Variants in WDR20 observed in about 807,000 individuals in gnomAD.
WDR20 encodes the protein WD repeat domain 20, also known as WD repeat-containing protein 20.
Under a neutral mutation model 38.7 loss-of-function variants are expected in WDR20, and 3 were observed. The ratio of observed to expected loss-of-function variants is 0.08; its 90% CI spans 0.04 to 0.20. WDR20 has a LOEUF of 0.20. Ranked by LOEUF, WDR20 falls within the 10% of genes least tolerant of loss-of-function variation. The pLI is 1.00. For synonymous variants in WDR20, 298 were observed against 285.6 expected, an observed-to-expected ratio of 1.04 and a Z score of -0.44; for missense variants, 559 against 727.7, an observed-to-expected ratio of 0.77 and a Z score of 2.67.
chr14:102,218,396 C>G (rs192717833), downstream of WDR20, among the ~76,000 whole-genome samples: 20 of 152,316 alleles, frequency 1.3e-4, no homozygotes, highest in African/African-American at 4.8e-4. Flanking sequence ...GCTAGGAGAC[C>G]GTCCAGGCCT....
intron 1 of WDR20, among the ~76,000 whole-genome samples, chr14:102,161,805 C>T (rs766788338): frequency 2.6e-5 from 4 of 152,044 alleles, no homozygotes; most frequent in Non-Finnish European, 5.9e-5. Context: ...ACCACATAGA[C>T]CAAAATGAGA....
intron 2 of WDR20, among the ~76,000 whole-genome samples, chr14:102,205,145 G>C (rs960461094): frequency 5.3e-5 from 8 of 152,168 alleles, no homozygotes; most frequent in African/African-American, 1.9e-4. Flanking sequence ...TGAAGCACCA[G>C]CTATACTCAG....
chr14:102,201,323 C>T (rs1028618025), intron 2 of WDR20, among the ~76,000 whole-genome samples: 1 of 152,050 alleles, frequency 6.6e-6, no homozygotes, highest in African/African-American at 2.4e-5. Context: ...CAGATCCACT[C>T]ACCCCCAAAC....
At position 102,209,623 on chromosome 14, in the gene WDR20, G is replaced by A; in HGVS notation, c.1453G>A (p.Gly485Arg). The A allele has an allele frequency of 2.5e-6, 4 of 1,614,084 alleles. No individual in the cohort carries two copies. Among genetic ancestry groups the A allele is most frequent in the Non-Finnish European group, 3.4e-6 (4 of 1,180,026 alleles). Reference sequence around the variant, plus strand: ...AGATCACAAGCGAAATCATAGCATGGGACACATTTCTAGCAAGAGCAGTGA... The same window carrying A: ...AGATCACAAGCGAAATCATAGCATGAGACACATTTCTAGCAAGAGCAGTGA... ...EKDHKRNHSM[G>R]HISSKSSDKL... The change falls in exon 3 of 3, where the codon GGA becomes AGA. Residue 485 changes from glycine (G) to arginine (R), a missense_variant. Transcript: ENST00000342702. This position sits in a 1 kb window ranked among gnomAD's most constrained non-coding sequence, Gnocchi z 6.0.
intron 1 of WDR20, among the ~76,000 whole-genome samples, chr14:102,189,558 C>T (rs559603610): frequency 2.0e-5 from 3 of 152,208 alleles, no homozygotes; most frequent in South Asian, 4.1e-4. Flanking sequence ...ACCAAATACC[C>T]GATTCTTAAA....
At chr14:102,191,014 AAG>A (rs949278747) in intron 1 of WDR20, among the ~76,000 whole-genome samples, 3 of 150,732 alleles carry the variant, frequency 2.0e-5, no homozygotes, top group South Asian at 2.1e-4. Context: ...AAAAAAAAAA[AAG>A]AAAAAAATTA....
At chr14:102,149,017 G>T (rs530600313) in intron 1 of WDR20, among the ~76,000 whole-genome samples, 1 of 152,190 alleles carries the variant, frequency 6.6e-6, no homozygotes, top group African/African-American at 2.4e-5. Flanking sequence ...AAAAAATTTA[G>T]CTGGGTGTGG....
In WDR20 at chr14:102,207,711, G is replaced by A. The variant is rs568268806; in HGVS notation, c.433-892G>A. ...GGACCGCCCCTGTGGAAGGTGTTGC[G>A]CTGGCATCCCCATCACAGGATTGAT... is the stretch of plus-strand genomic sequence containing the variant. On this transcript the variant is annotated intron_variant, in intron 2 of 2. Coordinates refer to ENST00000342702, the MANE Select transcript of WDR20 (RefSeq NM_144574.4). The surrounding 1 kb of genome is among the most constrained non-coding windows in gnomAD (Gnocchi z 5.0). 5.3e-5 allele frequency among the ~76,000 whole-genome samples: 8 copies of A among 152,338 alleles called. No individual in the cohort carries two copies. The highest frequency in any genetic ancestry group is 2.1e-4 in the South Asian group (1 of 4,820).
chr14:102,193,301 G>A (rs988916932), intron 1 of WDR20, among the ~76,000 whole-genome samples: 11 of 152,120 alleles, frequency 7.2e-5, no homozygotes, highest in African/African-American at 1.9e-4. Flanking sequence ...CGCAGCACTC[G>A]GCTGAGCTGC....
rs546547338 is a variant in WDR20, at chr14:102,159,561, C to T, written c.249+19389C>T. On this transcript the variant is annotated intron_variant, in intron 1 of 2. Coordinates refer to ENST00000342702, the MANE Select transcript of WDR20 (RefSeq NM_144574.4). The stretch of plus-strand genomic sequence containing the variant: ...TCTTAAAACTTAATCCAGCTGGGTG[C>T]GGTGGCGCACGCCGGTAATCCCAAC... Among the ~76,000 whole-genome samples, 6 of 152,226 alleles carry T rather than the reference C, an allele frequency of 3.9e-5. No homozygotes were observed. In the South Asian group the frequency reaches 1.2e-3, roughly 32 times the overall value.
At chr14:102,139,587 C>G, upstream of WDR20, 3 of 699,588 alleles carry the variant, frequency 4.3e-6, no homozygotes, top group Non-Finnish European at 7.0e-6. Flanking sequence ...CCCTGACCGG[C>G]TTTCCGCTGG....
intron 1 of WDR20, among the ~76,000 whole-genome samples, chr14:102,168,844 C>T (rs558029136): frequency 2.4e-4 from 37 of 152,186 alleles, no homozygotes; most frequent in South Asian, 2.3e-3. Flanking sequence ...AAGGAAGCAG[C>T]GTCTCTCACT....
chr14:102,161,142 A>ATATT lies in WDR20; in HGVS notation c.249+20971_249+20972insATTT, dbSNP rs1342924049. On this transcript the variant is annotated intron_variant, in intron 1 of 2. Transcript: ENST00000342702. ...ACTGCATATATATATATATATATAT[A>ATATT]TTTTTTTTTTTTTTTTTTTTTTTTT... Among the ~76,000 whole-genome samples, 30 of 16,060 alleles carry ATATT rather than the reference A, an allele frequency of 1.9e-3. 6 individuals are homozygous for ATATT. The highest frequency in any genetic ancestry group is 7.3e-3 in the African/African-American group (23 of 3,134). The allele number at this position is 16,060 out of a possible 152,430, so 10.5% of individuals were successfully genotyped here. A position where few individuals can be genotyped will look rare whatever the true frequency, so the allele number is the denominator to read the frequency against.
intron 1 of WDR20, among the ~76,000 whole-genome samples, chr14:102,148,734 C>A (rs2054630629): frequency 6.7e-6 from 1 of 149,150 alleles, no homozygotes; most frequent in Non-Finnish European, 1.5e-5. Flanking sequence ...ACTGTGTCAC[C>A]TAGGCTGGAG....
intron 1 of WDR20, among the ~76,000 whole-genome samples, chr14:102,186,362 A>C (rs2064742538): frequency 6.6e-6 from 1 of 152,174 alleles, no homozygotes; most frequent in Non-Finnish European, 1.5e-5. Context: ...CTACACATGA[A>C]GTGTGGGCAG....
chr14:102,187,832 A>C (rs752576182), intron 1 of WDR20, among the ~76,000 whole-genome samples: 16 of 152,196 alleles, frequency 1.1e-4, no homozygotes, highest in Non-Finnish European at 2.1e-4. Context: ...ACAGAGCGCC[A>C]AGTATAAAGC....
Position 102,208,743 on chromosome 14 carries a change from G to GCTT in WDR20, c.576_578dup (p.Leu193dup). 2 of 1,614,230 alleles carry GCTT rather than the reference G, an allele frequency of 1.2e-6. No individual in the cohort carries two copies. The highest frequency in any genetic ancestry group is 1.7e-6 in the Non-Finnish European group (2 of 1,180,042). Reference sequence around the variant, plus strand: ...GTGGCACCACAGCCCCCCACTACCAGCTTCTGAAGCAGGGAGAGAGCTTTG... The same window carrying GCTT: ...GTGGCACCACAGCCCCCCACTACCAGCTTCTTCTGAAGCAGGGAGAGAGCTTTG... On this transcript the variant is annotated inframe_insertion, in exon 3 of 3. Coordinates refer to ENST00000342702, the MANE Select transcript of WDR20 (RefSeq NM_144574.4). The surrounding 1 kb of genome is among the most constrained non-coding windows in gnomAD (Gnocchi z 5.6).
chr14:102,185,487 C>T (rs181331567), intron 1 of WDR20, among the ~76,000 whole-genome samples: 7 of 152,106 alleles, frequency 4.6e-5, no homozygotes, highest in East Asian at 1.9e-4. Flanking sequence ...CAGTAGACGG[C>T]GGTGCAGCAG....
At chr14:102,147,146 G>A (rs1321091455) in intron 1 of WDR20, among the ~76,000 whole-genome samples, 2 of 152,206 alleles carry the variant, frequency 1.3e-5, no homozygotes, top group Non-Finnish European at 2.9e-5. Flanking sequence ...TGTAATCCCA[G>A]CACTTTGGGA....
Sources: gnomAD v4.1 joint callset for allele counts (sites outside exome capture counted in the v4.1 genomes callset) on GRCh38, gnomAD v4.1.1 for gene constraint, Gnocchi (gnomAD v3.1) non-coding constraint, MANE v1.5 for transcripts, NCBI Gene and HGNC (gene_info 2026-07-23, HGNC 2026-07-21) for gene names.